The following RSF1 variants were observed in gnomAD, a reference collection of about 807,000 sequenced individuals.
The protein encoded by RSF1 is HBV pX-associated protein 8.
RSF1 carries 13 observed loss-of-function variants against 145.2 expected under a neutral mutation model. The ratio of observed to expected loss-of-function variants is 0.09; its 90% CI spans 0.06 to 0.14. RSF1 has a LOEUF of 0.14. Among genes scored for constraint, RSF1 ranks in the 10% least tolerant of loss-of-function variants. The pLI is 1.00. For missense variants in RSF1, 1,517 were observed against 1,718.2 expected, an observed-to-expected ratio of 0.88 and a Z score of 2.07; for synonymous variants, 577 against 592.6, an observed-to-expected ratio of 0.97 and a Z score of 0.38.
intron 5 of RSF1, among the ~76,000 whole-genome samples, chr11:77,719,443 G>C (rs935875740): frequency 6.6e-6 from 1 of 152,080 alleles, no homozygotes; most frequent in Non-Finnish European, 1.5e-5. Context: ...GATTTTAGAG[G>C]ACAAAAGAAA....
chr11:77,753,647 T>C (rs923644984), intron 2 of RSF1, among the ~76,000 whole-genome samples: 4 of 152,234 alleles, frequency 2.6e-5, no homozygotes, highest in African/African-American at 9.6e-5. Context: ...TGCCCCAAGG[T>C]AACTCCTCTT....
At chr11:77,799,504 C>CAAAAAA (rs34602419) in intron 1 of RSF1, among the ~76,000 whole-genome samples, 1 of 82,260 alleles carries the variant, frequency 1.2e-5, no homozygotes, top group Admixed American at 1.2e-4. Context: ...ACCCTGTCTC[C>CAAAAAA]AAAAAAAAAA....
chr11:77,826,456 A>T, the RSF1 span, among the ~76,000 whole-genome samples: 1 of 152,178 alleles, frequency 6.6e-6, no homozygotes, highest in South Asian at 2.1e-4. Context: ...AATAATTCAG[A>T]ACAGGGATAA....
At chr11:77,721,063 G>C (rs1195334109) in intron 5 of RSF1, among the ~76,000 whole-genome samples, 1 of 152,098 alleles carries the variant, frequency 6.6e-6, no homozygotes, top group Non-Finnish European at 1.5e-5. Flanking sequence ...ACAAGGCATG[G>C]CAATTTAACT....
chr11:77,752,670 T>C (rs966040100), intron 2 of RSF1, among the ~76,000 whole-genome samples: 5 of 152,012 alleles, frequency 3.3e-5, no homozygotes, highest in Admixed American at 2.0e-4. Flanking sequence ...CAATAAACCT[T>C]GGATGTCGCC....
chr11:77,852,474 A>G, the RSF1 span, among the ~76,000 whole-genome samples: 7 of 152,076 alleles, frequency 4.6e-5, no homozygotes, highest in African/African-American at 1.2e-4. Flanking sequence ...GCTGTTCACT[A>G]TCACCAGAAC....
chr11:77,725,787 A>G (rs1434288021), intron 4 of RSF1, 88 bp from the exon 5 acceptor site: 21 of 1,064,014 alleles, frequency 2.0e-5, no homozygotes, highest in Admixed American at 3.5e-5. Context: ...ATTAAAATAA[A>G]AAAAGAAAAA....
the RSF1 span, among the ~76,000 whole-genome samples, chr11:77,846,133 TAA>T: frequency 6.6e-6 from 1 of 152,212 alleles, no homozygotes; most frequent in Non-Finnish European, 1.5e-5. Flanking sequence ...TGTGGTTCTA[TAA>T]AGTCTGTATT....
chr11:77,836,953 G>A, the RSF1 span, among the ~76,000 whole-genome samples: 16 of 152,200 alleles, frequency 1.1e-4, no homozygotes, highest in African/African-American at 2.9e-4. Flanking sequence ...CAACAAGAGC[G>A]AAACTCCATC....
the RSF1 span, among the ~76,000 whole-genome samples, chr11:77,852,237 A>AAAAAAAAAAAAAAAAAAAAAAAAAAAAAC: frequency 6.7e-6 from 1 of 149,082 alleles, no homozygotes; most frequent in Non-Finnish European, 1.5e-5. Flanking sequence ...AAAAAAAAAA[A>AAAAAAAAAAAAAAAAAAAAAAAAAAAAAC]AAAAGAAGAA....
chr11:77,770,468 AAAC>A (rs1948271535), intron 1 of RSF1, among the ~76,000 whole-genome samples: 1 of 152,210 alleles, frequency 6.6e-6, no homozygotes, highest in Non-Finnish European at 1.5e-5. Flanking sequence ...AAACAAAACA[AAAC>A]AAAACAAAAG....
intron 12 of RSF1, among the ~76,000 whole-genome samples, chr11:77,677,547 T>C (rs1959741663): frequency 6.6e-6 from 1 of 152,226 alleles, no homozygotes; most frequent in Admixed American, 6.5e-5. Context: ...AATCTACTTA[T>C]TAATCTTTTC....
the RSF1 span, among the ~76,000 whole-genome samples, chr11:77,832,384 T>C: frequency 6.6e-6 from 1 of 151,828 alleles, no homozygotes; most frequent in Non-Finnish European, 1.5e-5. Flanking sequence ...TGGAGTGCAA[T>C]GGTGTGATCT....
chr11:77,836,906 G>A, the RSF1 span, among the ~76,000 whole-genome samples: 7 of 152,024 alleles, frequency 4.6e-5, no homozygotes, highest in East Asian at 2.0e-4. Context: ...CGGAGGTTGC[G>A]GTGAGCCAAG....
intron 14 of RSF1, among the ~76,000 whole-genome samples, chr11:77,674,369 C>G (rs1365301968): frequency 6.6e-6 from 1 of 152,310 alleles, no homozygotes; most frequent in African/African-American, 2.4e-5. Context: ...TACTCTATAA[C>G]AACATCAACT....
At position 77,702,083 on chromosome 11, in the gene RSF1, T is replaced by A. The variant is rs1960439530; in HGVS notation, c.1146A>T (p.Ile382=). 1 of 1,612,244 alleles carries A rather than the reference T, an allele frequency of 6.2e-7. No homozygotes were observed. Among genetic ancestry groups the A allele is most frequent in the Non-Finnish European group, 8.5e-7 (1 of 1,179,580 alleles). ...EKLKNDQQAK[I]PLKKREIKLS... ...GTTTAATTTCTCGTTTTTTTAGTGG[T>A]ATCTTGGCCTGCTGGTCATTTTTAA... Residue 382 remains isoleucine (I), a synonymous_variant, in exon 6 of 16, where the codon ATA becomes ATT. Transcript: ENST00000308488.
upstream of RSF1, chr11:77,821,165 A>G (rs2136003269): frequency 2.6e-6 from 1 of 379,188 alleles, no homozygotes; most frequent in Admixed American, 4.2e-5. Context: ...GCAGATCCCG[A>G]AGCAGCGCTG....
intron 4 of RSF1, chr11:77,734,980 T>G: frequency 6.3e-7 from 1 of 1,596,716 alleles, no homozygotes; most frequent in Non-Finnish European, 8.5e-7. Context: ...GGCCTCTGAG[T>G]CCTGGTGGTA....
At chr11:77,742,866 T>C (rs1277125333) in intron 3 of RSF1, among the ~76,000 whole-genome samples, 2 of 152,192 alleles carry the variant, frequency 1.3e-5, no homozygotes, top group East Asian at 3.8e-4. Context: ...CTTTTAGTAG[T>C]TTTATACTTT....
Sources: gnomAD v4.1 joint callset for allele counts (sites outside exome capture counted in the v4.1 genomes callset) on GRCh38, gnomAD v4.1.1 for gene constraint, MANE v1.5 for transcripts, NCBI Gene and HGNC (gene_info 2026-07-23, HGNC 2026-07-21) for gene names.